Variants in C8orf34 observed in about 807,000 individuals in gnomAD.
C8orf34 encodes the protein chromosome 8 open reading frame 34.
In C8orf34, 65 loss-of-function variants were observed where a neutral mutation model predicts 68.3. The observed-to-expected ratio is 0.95, with a 90% CI of 0.78 to 1.17. The LOEUF is 1.17. Among genes scored for constraint, C8orf34 ranks in the 50% most tolerant of loss-of-function variants. C8orf34 has a pLI of 0.00. For synonymous variants in C8orf34, 244 were observed against 241.2 expected (o/e 1.01, Z -0.11); for missense variants, 664 against 655.4 (o/e 1.01, Z -0.14).
Position 68,650,625 on chromosome 8 carries a change from G to T in C8orf34, c.1241+10114G>T, listed in dbSNP as rs1011698480. On this transcript the variant is annotated intron_variant, in intron 8 of 13. Coordinates refer to ENST00000518698, the MANE Select transcript of C8orf34 (RefSeq NM_052958.4). ...CTCCCAAGTAGCTGGGACTACAGGCGCCCGCCACCACGCCCGGCTAATTTT... is the reference window on the plus strand; with the variant it reads ...CTCCCAAGTAGCTGGGACTACAGGCTCCCGCCACCACGCCCGGCTAATTTT... Among the ~76,000 whole-genome samples, 5 of 151,748 alleles carry T rather than the reference G, an allele frequency of 3.3e-5. No homozygotes were observed. In the South Asian group the frequency reaches 8.3e-4, roughly 25 times the overall value.
intron 10 of C8orf34, among the ~76,000 whole-genome samples, chr8:68,742,147 C>T (rs1822313500): frequency 6.6e-6 from 1 of 152,122 alleles, no homozygotes. Flanking sequence ...CCCACTCTTC[C>T]TCTTCTTTGA....
chr8:68,743,965 T>G (rs1822391061), intron 10 of C8orf34, among the ~76,000 whole-genome samples: 1 of 152,134 alleles, frequency 6.6e-6, no homozygotes, highest in South Asian at 2.1e-4. Flanking sequence ...CAGTAACCTC[T>G]GCAGACTTAA....
intron 1 of C8orf34, among the ~76,000 whole-genome samples, chr8:68,376,060 A>G (rs566278892): frequency 2.6e-5 from 4 of 152,200 alleles, no homozygotes; most frequent in South Asian, 4.1e-4. Flanking sequence ...TGAGGGAGGT[A>G]AGGTCAATGT....
intron 1 of C8orf34, among the ~76,000 whole-genome samples, chr8:68,411,032 C>A (rs1398888672): frequency 6.6e-6 from 1 of 152,154 alleles, no homozygotes; most frequent in Admixed American, 6.5e-5. Context: ...TCAGTCTTAC[C>A]TCACCTGCTT....
chr8:68,585,743 C>A (rs1817190591), intron 7 of C8orf34, among the ~76,000 whole-genome samples: 1 of 152,060 alleles, frequency 6.6e-6, no homozygotes, highest in African/African-American at 2.4e-5. Context: ...TAGTTCCTCA[C>A]TGCATGGGCC....
chr8:68,628,528 C>T (rs1586474789), intron 7 of C8orf34, among the ~76,000 whole-genome samples: 1 of 152,016 alleles, frequency 6.6e-6, no homozygotes, highest in South Asian at 2.1e-4. Flanking sequence ...GATCTGTTTT[C>T]TTAACATTTG....
At chr8:68,349,360 G>T (rs909997048) in intron 1 of C8orf34, among the ~76,000 whole-genome samples, 9 of 152,090 alleles carry the variant, frequency 5.9e-5, no homozygotes, top group African/African-American at 2.2e-4. Context: ...TTGATGTGCT[G>T]CTGGATTCAA....
intron 1 of C8orf34, among the ~76,000 whole-genome samples, chr8:68,389,035 C>T (rs1287750414): frequency 6.6e-6 from 1 of 152,064 alleles, no homozygotes; most frequent in Non-Finnish European, 1.5e-5. Flanking sequence ...AGGTATGCTA[C>T]CCAGGAAGTA....
chr8:68,533,559 A>T, intron 7 of C8orf34: 2 of 986,186 alleles, frequency 2.0e-6, no homozygotes, highest in Non-Finnish European at 2.4e-6. Flanking sequence ...TATTTTGAGG[A>T]TGCTTTAGAA....
intron 4 of C8orf34, among the ~76,000 whole-genome samples, chr8:68,475,628 A>T (rs1230979327): frequency 1.3e-5 from 2 of 152,228 alleles, no homozygotes; most frequent in Non-Finnish European, 2.9e-5. Context: ...TTTGACTGTG[A>T]TGCTTAAAAA....
At chr8:68,511,043 C>G (rs373440059) in intron 5 of C8orf34, among the ~76,000 whole-genome samples, 1 of 152,210 alleles carries the variant, frequency 6.6e-6, no homozygotes, top group Non-Finnish European at 1.5e-5. Flanking sequence ...GGGAAGCATA[C>G]TCTTCCAGTC....
chr8:68,638,694 C>T (rs931361445), intron 7 of C8orf34, among the ~76,000 whole-genome samples: 2 of 151,920 alleles, frequency 1.3e-5, no homozygotes, highest in African/African-American at 4.8e-5. Context: ...GTCCAGTTAA[C>T]AAACTGGACA....
At chr8:68,372,514 T>C (rs1231480472) in intron 1 of C8orf34, among the ~76,000 whole-genome samples, 1 of 152,148 alleles carries the variant, frequency 6.6e-6, no homozygotes, top group Admixed American at 6.6e-5. Context: ...CAAGGGGTTA[T>C]ATTAATAGGA....
chr8:68,559,431 A>T (rs1816354063), intron 7 of C8orf34, among the ~76,000 whole-genome samples: 2 of 152,162 alleles, frequency 1.3e-5, no homozygotes, highest in South Asian at 4.1e-4. Context: ...AAGTCTGTAA[A>T]TTGAGGGTGG....
chr8:68,613,681 G>A (rs962358201), intron 7 of C8orf34, among the ~76,000 whole-genome samples: 56 of 151,676 alleles, frequency 3.7e-4, no homozygotes, highest in African/African-American at 1.2e-3. Flanking sequence ...TCTTAATCCA[G>A]TCTATCATTG....
At chr8:68,745,851 C>T (rs1343630001) in intron 10 of C8orf34, among the ~76,000 whole-genome samples, 3 of 152,014 alleles carry the variant, frequency 2.0e-5, no homozygotes, top group Admixed American at 1.3e-4. Flanking sequence ...ACAAGGATAC[C>T]CAGGAATTGA....
At chr8:68,645,119 T>C (rs1431647739) in intron 8 of C8orf34, among the ~76,000 whole-genome samples, 1 of 152,174 alleles carries the variant, frequency 6.6e-6, no homozygotes, top group Non-Finnish European at 1.5e-5. Flanking sequence ...AGAAAGACGA[T>C]CTGCTTTGGA....
intron 1 of C8orf34, among the ~76,000 whole-genome samples, chr8:68,373,945 C>T (rs764552334): frequency 1.3e-5 from 2 of 152,112 alleles, no homozygotes; most frequent in Non-Finnish European, 2.9e-5. Flanking sequence ...CAGATAGGGT[C>T]TTATCTGTTG....
intron 2 of C8orf34, among the ~76,000 whole-genome samples, chr8:68,445,856 C>T (rs1410257048): frequency 6.6e-6 from 1 of 152,178 alleles, no homozygotes; most frequent in Non-Finnish European, 1.5e-5. Flanking sequence ...GTGGCACAGT[C>T]TCGGCTCACT....
Sources: gnomAD v4.1 joint callset for allele counts (sites outside exome capture counted in the v4.1 genomes callset) on GRCh38, gnomAD v4.1.1 for gene constraint, MANE v1.5 for transcripts, NCBI Gene and HGNC (gene_info 2026-07-23, HGNC 2026-07-21) for gene names.